PTPN21: variants seen among roughly 807,000 people sequenced by gnomAD.
The protein encoded by PTPN21 is tyrosine-protein phosphatase non-receptor type 21.
In PTPN21, 77 loss-of-function variants were observed where a neutral mutation model predicts 131.8. The ratio of observed to expected loss-of-function variants is 0.58; its 90% CI spans 0.49 to 0.71. The LOEUF is 0.71. Among genes scored for constraint, PTPN21 ranks in the 30% least tolerant of loss-of-function variants. The pLI is 0.00. For missense variants in PTPN21, 1,552 were observed against 1,527.1 expected (o/e 1.02, Z -0.27); for synonymous variants, 715 against 621.3 (o/e 1.15, Z -2.24).
intron 12 of PTPN21, among the ~76,000 whole-genome samples, chr14:88,484,475 C>T (rs1337704728): frequency 1.3e-5 from 2 of 149,396 alleles, no homozygotes; most frequent in Non-Finnish European, 3.0e-5. Context: ...AAGCCTCTGG[C>T]AGGGAAAGAA....
At chr14:88,516,955 T>C in intron 3 of PTPN21, 137 bp downstream of exon 3, 1 of 949,350 alleles carries the variant, frequency 1.1e-6, no homozygotes, top group Non-Finnish European at 1.5e-6. Flanking sequence ...CATATGAGAA[T>C]CTCTTTGTAA....
intron 1 of PTPN21, chr14:88,552,415 C>T (rs2078881588): frequency 6.6e-6 from 1 of 152,202 alleles, no homozygotes; most frequent in Non-Finnish European, 1.5e-5. Flanking sequence ...AAATCTAAGA[C>T]GAATCCCTAA....
At chr14:88,508,106 C>A in intron 3 of PTPN21, 86 bp from the exon 4 acceptor site, 2 of 667,708 alleles carry the variant, frequency 3.0e-6, no homozygotes, top group Non-Finnish European at 4.9e-6. Context: ...GGTAGAGAAG[C>A]ATAAACCAGT....
Position 88,508,020 on chromosome 14 carries a change from C to A in PTPN21, c.351G>T (p.Arg117Ser). Residue 117 changes from arginine (R) to serine (S), a missense_variant and splice_region_variant, in exon 4 of 19, where the codon AGG becomes AGT. By Grantham distance (110) the Arg-to-Ser change is moderately radical. This residue lies in a region of PTPN21 where 206 missense variants were observed against 221.6 expected (regional missense o/e 0.93). Coordinates refer to ENST00000556564, the MANE Select transcript of PTPN21 (RefSeq NM_007039.4). Reference sequence around the variant, plus strand: ...TCTTCAGTTGCAGATAATACTGATACCTATAAAAAATGTCAGTTGTATAAG... The same window carrying A: ...TCTTCAGTTGCAGATAATACTGATAACTATAAAAAATGTCAGTTGTATAAG... ...SVSQLQQEIT[R>S]YQYYLQLKKD... 6.5e-7 allele frequency: 1 copy of A among 1,542,616 alleles called. No homozygotes were observed. Among genetic ancestry groups the A allele is most frequent in the Admixed American group, 1.7e-5 (1 of 58,382 alleles).
At chr14:88,538,133 T>C (rs995872443) in intron 2 of PTPN21, among the ~76,000 whole-genome samples, 4 of 152,208 alleles carry the variant, frequency 2.6e-5, no homozygotes, top group African/African-American at 9.7e-5. Flanking sequence ...ATGCTCTATG[T>C]GCTACCATAT....
chr14:88,523,056 C>A (rs146083713), intron 2 of PTPN21, among the ~76,000 whole-genome samples: 1 of 151,184 alleles, frequency 6.6e-6, no homozygotes, highest in African/African-American at 2.4e-5. Context: ...GGAGTGAGCA[C>A]GAAAATCAAG....
chr14:88,523,251 T>C (rs1478561456), intron 2 of PTPN21, among the ~76,000 whole-genome samples: 1 of 151,892 alleles, frequency 6.6e-6, no homozygotes, highest in African/African-American at 2.4e-5. Context: ...ACACCATGAC[T>C]AAGTAGGATT....
chr14:88,519,504 A>G (rs1211405009), intron 2 of PTPN21, among the ~76,000 whole-genome samples: 2 of 152,242 alleles, frequency 1.3e-5, no homozygotes, highest in African/African-American at 4.8e-5. Context: ...GTATAGATTT[A>G]AAGCAACAAG....
intron 2 of PTPN21, among the ~76,000 whole-genome samples, chr14:88,545,878 T>C (rs1448064417): frequency 6.6e-6 from 1 of 150,962 alleles, no homozygotes; most frequent in African/African-American, 2.4e-5. Flanking sequence ...AAGAATGGCA[T>C]GAACCTGGGA....
rs764466983 is a variant in PTPN21, at chr14:88,508,029, A to G, written c.351-9T>C. 1.3e-6 allele frequency: 2 copies of G among 1,489,152 alleles called. No individual in the cohort carries two copies. The highest frequency in any genetic ancestry group is 4.5e-5 in the East Asian group (2 of 44,144). The allele number at this position is 1,489,152 out of a possible 1,614,324, so 92.2% of individuals were successfully genotyped here. On this transcript the variant is annotated splice_polypyrimidine_tract_variant and intron_variant, in intron 3 of 18. Transcript: ENST00000556564. ...GCAGATAATACTGATACCTATAAAA[A>G]ATGTCAGTTGTATAAGGTCAATGTC... is the stretch of plus-strand genomic sequence containing the variant.
At chr14:88,510,329 C>A (rs751981643) in intron 3 of PTPN21, among the ~76,000 whole-genome samples, 64 of 152,310 alleles carry the variant, frequency 4.2e-4, no homozygotes, top group East Asian at 3.1e-3. Context: ...CCATTAAGCT[C>A]ACAGCTAAAA....
Position 88,479,629 on chromosome 14 carries a change from T to G in PTPN21, c.1802A>C (p.His601Pro). 1 of 1,556,020 alleles carries G rather than the reference T, an allele frequency of 6.4e-7. No individual in the cohort carries two copies. Among genetic ancestry groups the G allele is most frequent in the Non-Finnish European group, 8.6e-7 (1 of 1,158,050 alleles). Residue 601 changes from histidine (H) to proline (P), a missense_variant, in exon 13 of 19, where the codon CAC becomes CCC. His to Pro is a moderately conservative substitution (Grantham distance 77, BLOSUM62 -2). Coordinates refer to ENST00000556564, the MANE Select transcript of PTPN21 (RefSeq NM_007039.4). Reference sequence around the variant, plus strand: ...GTCCTCCTGGAACGTTTGCACCGAGTGGTGCACGCGCCGCGTGATGAGGTC... The same window carrying G: ...GTCCTCCTGGAACGTTTGCACCGAGGGGTGCACGCGCCGCGTGATGAGGTC... ...NPDLITRRVHHSVQTFQEDSL... is the reference protein window; with the variant it reads ...NPDLITRRVHPSVQTFQEDSL...
At position 88,513,713 on chromosome 14, in the gene PTPN21, C is replaced by T. The variant is rs1231593715; in HGVS notation, c.350+3379G>A. 3.3e-5 allele frequency: 5 copies of T among 152,344 alleles called. No individual in the cohort carries two copies. The East Asian group carries it at 9.6e-4, about 29-fold the overall frequency. 9.4% of individuals were successfully genotyped at this position (152,344 alleles called of 1,614,324 possible). On this transcript the variant is annotated intron_variant, in intron 3 of 18. Transcript: ENST00000556564. Reference sequence around the variant, plus strand: ...CTCAGATCTCCAAACTGAGAAAATACATCAGCTACCCAGTCTATAATATTT... The same window carrying T: ...CTCAGATCTCCAAACTGAGAAAATATATCAGCTACCCAGTCTATAATATTT...
chr14:88,473,768 AT>A lies in PTPN21; in HGVS notation c.2545del (p.Ile849LeufsTer9), dbSNP rs778292578. On this transcript the variant is annotated frameshift_variant, in exon 14 of 19. Coordinates refer to ENST00000556564, the MANE Select transcript of PTPN21 (RefSeq NM_007039.4). LOFTEE classifies it high-confidence loss of function. ...MKKTRVDAKK[I>X]GPLKLAALNG... ...TAGGGCAGCCAGTTTAAGAGGACCA[AT>A]TTTTTTTGCATCTACTCGAGTCTTT... The A allele has an allele frequency of 2.6e-5, 41 of 1,606,498 alleles. No individual in the cohort carries two copies. The highest frequency in any genetic ancestry group is 2.1e-4 in the Admixed American group (12 of 58,198).
chr14:88,513,973 C>G (rs1302541817), intron 3 of PTPN21: 1 of 152,236 alleles, frequency 6.6e-6, no homozygotes, highest in Admixed American at 6.5e-5. Context: ...TTGCTCTGGA[C>G]TGACCATACC....
At chr14:88,489,351 AATAG>A (rs2077787358) in intron 10 of PTPN21, among the ~76,000 whole-genome samples, 1 of 152,206 alleles carries the variant, frequency 6.6e-6, no homozygotes. Context: ...CTCATGCACT[AATAG>A]ATAGTTCAAG....
At chr14:88,473,214 G>A (rs987957042) in intron 14 of PTPN21, among the ~76,000 whole-genome samples, 1 of 152,154 alleles carries the variant, frequency 6.6e-6, no homozygotes, top group African/African-American at 2.4e-5. Context: ...GCAAATGTAT[G>A]CCTATCTGAT....
At chr14:88,490,704 GGCT>G (rs1277482638) in intron 10 of PTPN21, among the ~76,000 whole-genome samples, 2 of 152,208 alleles carry the variant, frequency 1.3e-5, no homozygotes, top group Admixed American at 6.5e-5. Flanking sequence ...GGTGGACACC[GGCT>G]GCTATGTTCA....
intron 13 of PTPN21, 38 bp from the exon 14 acceptor site, chr14:88,473,840 A>G: frequency 4.5e-6 from 7 of 1,549,290 alleles, no homozygotes; most frequent in Non-Finnish European, 6.1e-6. Flanking sequence ...AAATATACAC[A>G]AATACAACCC....
Sources: gnomAD v4.1 joint callset for allele counts (sites outside exome capture counted in the v4.1 genomes callset) on GRCh38, gnomAD v4.1.1 for gene constraint, gnomAD v4.1.1 regional missense constraint, MANE v1.5 for transcripts, NCBI Gene and HGNC (gene_info 2026-07-23, HGNC 2026-07-21) for gene names.